The following PCDHAC2 variants were observed in gnomAD, a reference collection of about 807,000 sequenced individuals.
PCDHAC2 encodes protocadherin alpha subfamily C, 2, also known as protocadherin alpha-C2.
In PCDHAC2, 24 loss-of-function variants were observed where a neutral mutation model predicts 63.3. The observed-to-expected ratio is 0.38, with a 90% CI of 0.27 to 0.53. PCDHAC2 has a LOEUF of 0.53. PCDHAC2 is among the 20% of genes least tolerant of loss of function. The pLI is 0.81. For synonymous variants in PCDHAC2, 569 were observed against 529.4 expected (o/e 1.07, Z -1.03); for missense variants, 1,181 against 1,275.2 (o/e 0.93, Z 1.12).
At chr5:140,969,363 C>G (rs367871893) in intron 1 of PCDHAC2, 32 bp downstream of exon 1, 4 of 1,610,614 alleles carry the variant, frequency 2.5e-6, no homozygotes, top group East Asian at 4.5e-5. Flanking sequence ...CTTCTACAAA[C>G]TCATGCATTT....
rs2098421681 is a variant in PCDHAC2, at chr5:141,011,735, A to C, written c.*1798A>C. 1 of 153,882 alleles carries C rather than the reference A, an allele frequency of 6.5e-6. No individual in the cohort carries two copies. Among genetic ancestry groups the C allele is most frequent in the South Asian group, 2.1e-4 (1 of 4,828 alleles). 9.5% of individuals were successfully genotyped at this position (153,882 alleles called of 1,614,324 possible). A position where few individuals can be genotyped will look rare whatever the true frequency, so the allele number is the denominator to read the frequency against. ...TATTCCATGAGGGTGTGCAAGCACA[A>C]ATTTTACCAATCTGACCTCTTTGAA... On this transcript the variant is annotated 3_prime_UTR_variant, in exon 4 of 4. Transcript: ENST00000289269.
intron 1 of PCDHAC2, among the ~76,000 whole-genome samples, chr5:140,976,972 C>T (rs969505831): frequency 2.6e-5 from 4 of 152,182 alleles, no homozygotes; most frequent in Non-Finnish European, 5.9e-5. Flanking sequence ...TTCCTTTTCC[C>T]TGCCTGATCT....
At chr5:140,974,856 C>G (rs2096643713) in intron 1 of PCDHAC2, among the ~76,000 whole-genome samples, 1 of 152,104 alleles carries the variant, frequency 6.6e-6, no homozygotes, top group African/African-American at 2.4e-5. Context: ...TTCCCTTTTG[C>G]CTTAATGCGG....
intron 1 of PCDHAC2, among the ~76,000 whole-genome samples, chr5:140,974,524 T>C (rs976398044): frequency 5.9e-5 from 9 of 152,210 alleles, no homozygotes; most frequent in African/African-American, 9.7e-5. Flanking sequence ...TATTTTAGTT[T>C]TTTTGAGACG....
Position 141,010,329 on chromosome 5 carries a change from G to A in PCDHAC2, c.*392G>A. The A allele has an allele frequency of 6.5e-7, 1 of 1,538,672 alleles. No individual in the cohort carries two copies. Among genetic ancestry groups the A allele is most frequent in the Non-Finnish European group, 8.8e-7 (1 of 1,142,532 alleles). On this transcript the variant is annotated 3_prime_UTR_variant, in exon 4 of 4. Transcript: ENST00000289269. ...AGTTTTGAGATTGAGCAGCTTGGGA[G>A]TTTGTGGCCACTGGGTATGTGTGGC...
At chr5:140,993,462 T>TCACA (rs3836747) in intron 3 of PCDHAC2, among the ~76,000 whole-genome samples, 8,584 of 140,952 alleles carry the variant, frequency 0.061, 300 homozygotes, top group Admixed American at 0.12. Flanking sequence ...TCTTTCTTTC[T>TCACA]CACACACACA....
intron 2 of PCDHAC2, among the ~76,000 whole-genome samples, chr5:140,979,312 C>G (rs1419194517): frequency 1.3e-5 from 2 of 152,166 alleles, no homozygotes; most frequent in Admixed American, 6.5e-5. Flanking sequence ...CCCTCTCTAC[C>G]TATGCTTTCT....
Position 141,010,460 on chromosome 5 carries a change from A to G in PCDHAC2, c.*523A>G. ...AGACAAATAAACAGCGGAAGTTATC[A>G]GTATGGAGGGGAAGTGTAAACTTAA... On this transcript the variant is annotated 3_prime_UTR_variant, in exon 4 of 4. Coordinates refer to ENST00000289269, the MANE Select transcript of PCDHAC2 (RefSeq NM_018899.6). The G allele has an allele frequency of 1.2e-6, 1 of 835,130 alleles. No individual in the cohort carries two copies. The highest frequency in any genetic ancestry group is 1.8e-6 in the Non-Finnish European group (1 of 562,732). The allele number at this position is 835,130 out of a possible 1,614,324, so 51.7% of individuals were successfully genotyped here.
chr5:140,996,453 C>A (rs1289648745), intron 3 of PCDHAC2, among the ~76,000 whole-genome samples: 2 of 152,160 alleles, frequency 1.3e-5, no homozygotes, highest in African/African-American at 4.8e-5. Flanking sequence ...AGTTGTGGTG[C>A]TAAGGGAGGA....
chr5:140,985,889 G>A (rs549796234), intron 3 of PCDHAC2, among the ~76,000 whole-genome samples: 61 of 151,864 alleles, frequency 4.0e-4, no homozygotes, highest in Non-Finnish European at 5.7e-4. Context: ...ACAGGCGCCC[G>A]CCACCACTCC....
chr5:140,998,569 GTT>G (rs71574497), intron 3 of PCDHAC2, among the ~76,000 whole-genome samples: 14 of 149,410 alleles, frequency 9.4e-5, no homozygotes, highest in Admixed American at 6.7e-4. Flanking sequence ...TTGTAAATAA[GTT>G]TTTTTTTTTT....
chr5:140,968,408 A>G lies in PCDHAC2; in HGVS notation c.1642A>G (p.Thr548Ala). ...DYEKFREFFVTVEAQDKGSPP... is the reference protein window; with the variant it reads ...DYEKFREFFVAVEAQDKGSPP... ...TGAGAAGTTTCGGGAGTTCTTTGTG[A>G]CTGTGGAGGCTCAGGACAAGGGGAG... Residue 548 changes from threonine to alanine, a missense_variant, in exon 1 of 4, where the codon ACT (threonine) becomes GCT (alanine). Physicochemically the swap from Thr to Ala is moderately conservative, Grantham distance 58. Around this residue, in one of 3 missense-constraint regions of PCDHAC2, gnomAD observed 968 missense variants for 1,073.5 expected, o/e 0.90. Transcript: ENST00000289269. The G allele has an allele frequency of 6.2e-7, 1 of 1,613,980 alleles. No homozygotes were observed. The highest frequency in any genetic ancestry group is 8.5e-7 in the Non-Finnish European group (1 of 1,179,998).
At chr5:140,981,041 A>C (rs72802989) in intron 2 of PCDHAC2, among the ~76,000 whole-genome samples, 7,382 of 152,278 alleles carry the variant, frequency 0.048, 205 homozygotes, top group Non-Finnish European at 0.065. Context: ...GGGAAAAAAA[A>C]CAGATAATTC....
intron 3 of PCDHAC2, among the ~76,000 whole-genome samples, chr5:140,987,333 T>C (rs1470731690): frequency 6.6e-6 from 1 of 152,158 alleles, no homozygotes; most frequent in East Asian, 1.9e-4. Context: ...TAAGAACTGG[T>C]CTAAGGTAAA....
intron 3 of PCDHAC2, among the ~76,000 whole-genome samples, chr5:141,007,687 C>T (rs1434828672): frequency 1.3e-5 from 2 of 152,200 alleles, no homozygotes; most frequent in Non-Finnish European, 2.9e-5. Flanking sequence ...TATCCTACTT[C>T]CACCTCCCTC....
chr5:140,995,788 T>C (rs1327222255), intron 3 of PCDHAC2, among the ~76,000 whole-genome samples: 1 of 152,154 alleles, frequency 6.6e-6, no homozygotes, highest in Non-Finnish European at 1.5e-5. Context: ...GGTTTAAAAT[T>C]TGTCTCATGT....
chr5:141,000,423 T>C (rs470406), intron 3 of PCDHAC2, among the ~76,000 whole-genome samples: 6 of 66,864 alleles, frequency 9.0e-5, no homozygotes, highest in Non-Finnish European at 1.8e-4. Context: ...ATATATATAT[T>C]TTTTTTTTTT....
chr5:140,988,707 G>A (rs2097310016), intron 3 of PCDHAC2, among the ~76,000 whole-genome samples: 1 of 152,106 alleles, frequency 6.6e-6, no homozygotes, highest in African/African-American at 2.4e-5. Context: ...TATTTTCTTG[G>A]ACCTCTCATT....
chr5:140,981,943 G>A (rs1207723761), intron 2 of PCDHAC2, among the ~76,000 whole-genome samples: 2 of 152,116 alleles, frequency 1.3e-5, no homozygotes, highest in Non-Finnish European at 2.9e-5. Flanking sequence ...GGAAATATAG[G>A]GTGGGTCATC....
Sources: gnomAD v4.1 joint callset for allele counts (sites outside exome capture counted in the v4.1 genomes callset) on GRCh38, gnomAD v4.1.1 for gene constraint, gnomAD v4.1.1 regional missense constraint, MANE v1.5 for transcripts, NCBI Gene and HGNC (gene_info 2026-07-23, HGNC 2026-07-21) for gene names.